Variants in CSMD1 observed in about 807,000 individuals in gnomAD.
CSMD1 encodes the protein CUB and Sushi multiple domains 1.
A neutral mutation model predicts 417.5 loss-of-function variants in CSMD1; 213 were observed. That is an observed-to-expected ratio of 0.51 (90% CI 0.46 to 0.57). The LOEUF (loss-of-function observed/expected upper bound fraction) is 0.57, where lower values mean the gene tolerates loss of function less well. Ranked by LOEUF, CSMD1 falls within the 20% of genes least tolerant of loss-of-function variation. The pLI, the probability that CSMD1 is intolerant of heterozygous loss-of-function variation, is 0.00. For missense variants in CSMD1, 6,923 were observed against 4,529.7 expected, an observed-to-expected ratio of 1.53 and a Z score of -15.17; for synonymous variants, 2,862 against 1,736.8, an observed-to-expected ratio of 1.65 and a Z score of -16.11.
chr8:3,581,992 A>G (rs1340064892), intron 9 of CSMD1, among the ~76,000 whole-genome samples: 6 of 152,134 alleles, frequency 3.9e-5, no homozygotes, highest in Admixed American at 3.9e-4. Context: ...ACAGAGTTTC[A>G]CTATGTTGGC....
At chr8:4,089,071 C>T (rs976280678) in intron 3 of CSMD1, among the ~76,000 whole-genome samples, 1 of 152,210 alleles carries the variant, frequency 6.6e-6, no homozygotes, top group Non-Finnish European at 1.5e-5. Context: ...GCCAGAGCTT[C>T]TGACAAATAG....
intron 3 of CSMD1, among the ~76,000 whole-genome samples, chr8:4,251,237 T>C (rs1178148578): frequency 6.6e-6 from 1 of 152,200 alleles, no homozygotes; most frequent in African/African-American, 2.4e-5. Context: ...CAATATATGT[T>C]TCCCTCACCA....
chr8:3,541,051 A>G (rs1396163482), intron 10 of CSMD1, among the ~76,000 whole-genome samples: 1 of 152,218 alleles, frequency 6.6e-6, no homozygotes, highest in Admixed American at 6.5e-5. Context: ...AGGAATATAA[A>G]TCACTCTATT....
intron 5 of CSMD1, among the ~76,000 whole-genome samples, chr8:3,934,241 C>G (rs904887287): frequency 6.6e-6 from 1 of 152,188 alleles, no homozygotes; most frequent in African/African-American, 2.4e-5. Flanking sequence ...AACTGATGAA[C>G]TTGCTCAGAA....
intron 3 of CSMD1, among the ~76,000 whole-genome samples, chr8:4,196,097 G>C (rs948311196): frequency 6.6e-6 from 1 of 152,138 alleles, no homozygotes; most frequent in Non-Finnish European, 1.5e-5. Flanking sequence ...TGTAGTCCCA[G>C]CTGCTGGGGA....
chr8:4,719,242 T>C (rs1025109840), intron 1 of CSMD1, among the ~76,000 whole-genome samples: 3 of 152,244 alleles, frequency 2.0e-5, no homozygotes, highest in African/African-American at 7.2e-5. Context: ...TTTTAGATTT[T>C]GCATTTTGTG....
At chr8:3,392,024 C>G (rs1006105165) in intron 17 of CSMD1, among the ~76,000 whole-genome samples, 1 of 147,766 alleles carries the variant, frequency 6.8e-6, no homozygotes, top group South Asian at 2.1e-4. Context: ...CCAAACACCT[C>G]ATGTTCTCAC....
intron 11 of CSMD1, among the ~76,000 whole-genome samples, chr8:3,492,059 G>T (rs377095419): frequency 2.0e-5 from 3 of 152,196 alleles, no homozygotes; most frequent in East Asian, 3.8e-4. Context: ...CAGTGAAGGA[G>T]AACTTGTGAG....
intron 2 of CSMD1, among the ~76,000 whole-genome samples, chr8:4,566,871 T>C (rs1798638650): frequency 2.8e-5 from 2 of 71,882 alleles, no homozygotes; most frequent in Admixed American, 1.4e-4. Flanking sequence ...TTAAAAAATA[T>C]TGACTTGGCT....
chr8:4,067,735 G>A (rs570505043), intron 3 of CSMD1, among the ~76,000 whole-genome samples: 6 of 152,228 alleles, frequency 3.9e-5, no homozygotes, highest in South Asian at 4.1e-4. Context: ...ATAAAGGAAC[G>A]TGTTATTCTT....
At chr8:4,047,904 TATGTAGTATTATAAAA>T (rs1380356411) in intron 3 of CSMD1, among the ~76,000 whole-genome samples, 2 of 152,192 alleles carry the variant, frequency 1.3e-5, no homozygotes, top group East Asian at 3.9e-4. Context: ...AGTTTGATTT[TATGTAGTATTATAAAA>T]ATTAGGATTG....
At chr8:4,222,077 G>A (rs1422721555) in intron 3 of CSMD1, among the ~76,000 whole-genome samples, 1 of 148,110 alleles carries the variant, frequency 6.8e-6, no homozygotes, top group Non-Finnish European at 1.5e-5. Context: ...ACTTAGAAAA[G>A]CCATTAGTGG....
At chr8:4,117,501 C>A (rs1173577547) in intron 3 of CSMD1, among the ~76,000 whole-genome samples, 1 of 152,196 alleles carries the variant, frequency 6.6e-6, no homozygotes, top group Non-Finnish European at 1.5e-5. Context: ...TATAAATCAT[C>A]TCCCTCCGAC....
intron 2 of CSMD1, among the ~76,000 whole-genome samples, chr8:4,627,235 C>T (rs1563347209): frequency 1.3e-5 from 2 of 152,090 alleles, no homozygotes; most frequent in Non-Finnish European, 2.9e-5. Context: ...GCTGTCCAGT[C>T]ACTTGAAATG....
intron 3 of CSMD1, among the ~76,000 whole-genome samples, chr8:4,114,468 G>C (rs986657843): frequency 1.3e-5 from 2 of 152,206 alleles, no homozygotes; most frequent in African/African-American, 2.4e-5. Flanking sequence ...TGCTTAAAGA[G>C]ATTAATGTTG....
chr8:4,898,854 GTTTA>G (rs769961285), intron 1 of CSMD1, among the ~76,000 whole-genome samples: 23 of 151,972 alleles, frequency 1.5e-4, no homozygotes, highest in Admixed American at 6.6e-4. Context: ...TGACAGTGTG[GTTTA>G]TTTGTCTAAG....
intron 63 of CSMD1, 106 bp downstream of exon 63, chr8:2,957,590 A>T: frequency 1.3e-6 from 1 of 779,562 alleles, no homozygotes; most frequent in Non-Finnish European, 2.1e-6. Flanking sequence ...ATTTAGGATT[A>T]GGGAATTAAA....
chr8:3,775,340 C>T (rs1018843436), intron 5 of CSMD1, among the ~76,000 whole-genome samples: 7 of 152,138 alleles, frequency 4.6e-5, no homozygotes, highest in African/African-American at 1.4e-4. Context: ...GTATCCTACG[C>T]CTTCACCTCT....
chr8:4,407,103 G>A (rs1228467683), intron 3 of CSMD1, among the ~76,000 whole-genome samples: 1 of 152,170 alleles, frequency 6.6e-6, no homozygotes, highest in Non-Finnish European at 1.5e-5. Flanking sequence ...TACTGTAGCA[G>A]CAGAGTTGGG....
Sources: gnomAD v4.1 joint callset for allele counts (sites outside exome capture counted in the v4.1 genomes callset) on GRCh38, gnomAD v4.1.1 for gene constraint, MANE v1.5 for transcripts, NCBI Gene and HGNC (gene_info 2026-07-23, HGNC 2026-07-21) for gene names.